The following MTSS2 variants were observed in gnomAD, a reference collection of about 807,000 sequenced individuals.
MTSS2 encodes the protein MTSS I-BAR domain containing 2, also known as protein MTSS 2.
In MTSS2, 27 loss-of-function variants were observed where a neutral mutation model predicts 67.1. That is an observed-to-expected ratio of 0.40 (90% CI 0.30 to 0.55). The LOEUF (loss-of-function observed/expected upper bound fraction) is 0.55, where lower values mean the gene tolerates loss of function less well. Among genes scored for constraint, MTSS2 ranks in the 20% least tolerant of loss-of-function variants. The pLI is 0.43. For synonymous variants in MTSS2, 624 were observed against 468.6 expected (o/e 1.33, Z -4.28); for missense variants, 1,171 against 1,067.8 (o/e 1.10, Z -1.35).
intron 3 of MTSS2, among the ~76,000 whole-genome samples, chr16:70,680,425 C>T (rs1364131844): frequency 6.6e-6 from 1 of 152,208 alleles, no homozygotes; most frequent in Non-Finnish European, 1.5e-5. Context: ...GCCACTCGGA[C>T]CAGAGGGCAG....
In MTSS2 at chr16:70,675,477, G is replaced by T. The variant is rs377194221; in HGVS notation, c.831-949C>A. Among the ~76,000 whole-genome samples the T allele has an allele frequency of 2.2e-4, 34 of 152,318 alleles. No individual in the cohort carries two copies. In the South Asian group the frequency reaches 6.4e-3, roughly 29 times the overall value. ...CAAAAAACCTATTGGTTTCACCAAA[G>T]ATCTTAATCTAGATTCCTATATCCT... On this transcript the variant is annotated intron_variant, in intron 10 of 14. Coordinates refer to ENST00000338779, the MANE Select transcript of MTSS2 (RefSeq NM_138383.3).
At position 70,674,331 on chromosome 16, in the gene MTSS2, G is replaced by A; in HGVS notation, c.1028C>T (p.Pro343Leu). ...QDATYSKPPS[P>L]MPSDITSQKS... is the part of the protein sequence containing the mutation. ...CTGGCTGGTGATGTCTGAAGGCATA[G>A]GCGAGGGGGGCTTGGAGTAGGTGGC... Residue 343 changes from proline (P) to leucine (L), a missense_variant, in exon 11 of 15, where the codon CCT (proline) becomes CTT (leucine). Physicochemically the swap from Pro to Leu is moderately conservative, Grantham distance 98 (BLOSUM62 -3). Around this residue, in one of 2 missense-constraint regions of MTSS2, gnomAD observed 924 missense variants for 756.0 expected, o/e 1.22. Transcript: ENST00000338779. 6.2e-7 allele frequency: 1 copy of A among 1,613,922 alleles called. No homozygotes were observed. The highest frequency in any genetic ancestry group is 1.1e-5 in the South Asian group (1 of 91,048).
chr16:70,678,182 T>G, intron 8 of MTSS2, 70 bp downstream of exon 8: 1 of 1,521,632 alleles, frequency 6.6e-7, no homozygotes, highest in South Asian at 1.3e-5. Context: ...AAGTGACCCT[T>G]CTTGGAGGTC....
At chr16:70,681,312 A>G (rs754513554) in intron 1 of MTSS2, among the ~76,000 whole-genome samples, 28 of 152,184 alleles carry the variant, frequency 1.8e-4, no homozygotes, top group Non-Finnish European at 2.9e-4. Context: ...ATCCTCCCTC[A>G]GGGGAAATGG....
Position 70,664,018 on chromosome 16 carries a change from G to A in MTSS2, c.1903C>T (p.Pro635Ser), listed in dbSNP as rs772138208. The A allele has an allele frequency of 1.3e-5, 21 of 1,605,250 alleles. No individual in the cohort carries two copies. Among genetic ancestry groups the A allele is most frequent in the Non-Finnish European group, 1.6e-5 (19 of 1,176,796 alleles). ...GTGTTGGGCAGGCTGAGCCTCTTTGGGGAGGCCTTGGCGAGGTCCGGTGCC... is the reference window on the plus strand; with the variant it reads ...GTGTTGGGCAGGCTGAGCCTCTTTGAGGAGGCCTTGGCGAGGTCCGGTGCC... ...PLAPDLAKAS[P>S]KRLSLPNTAW... The change falls in exon 15 of 15, where the codon CCA (proline) becomes TCA (serine). Residue 635 changes from proline to serine, a missense_variant. Physicochemically the swap from Pro to Ser is moderately conservative, Grantham distance 74. Coordinates refer to ENST00000338779, the MANE Select transcript of MTSS2 (RefSeq NM_138383.3).
In MTSS2 at chr16:70,685,872, G is replaced by A. The variant is rs556275712; in HGVS notation, c.-81C>T. 1.2e-6 allele frequency: 1 copy of A among 819,042 alleles called. No individual in the cohort carries two copies. 50.7% of individuals were successfully genotyped at this position (819,042 alleles called of 1,614,324 possible). On this transcript the variant is annotated 5_prime_UTR_variant, in exon 1 of 15. Coordinates refer to ENST00000338779, the MANE Select transcript of MTSS2 (RefSeq NM_138383.3). Reference sequence around the variant, plus strand: ...CGCAAGGGAGGGGGCCAGGCCGCGCGGGCGCTCGCTCCGAGGCCGGGCCGG... The same window carrying A: ...CGCAAGGGAGGGGGCCAGGCCGCGCAGGCGCTCGCTCCGAGGCCGGGCCGG...
At position 70,680,255 on chromosome 16, in the gene MTSS2, G is replaced by T. The variant is rs545375082; in HGVS notation, c.206-200C>A. On this transcript the variant is annotated intron_variant, in intron 3 of 14. Coordinates refer to ENST00000338779, the MANE Select transcript of MTSS2 (RefSeq NM_138383.3). Reference sequence around the variant, plus strand: ...GCTCTTCCTCCGCCATCCCAGCCGCGCCAGCCTCCTGCGGCGGCCTCCCCT... The same window carrying T: ...GCTCTTCCTCCGCCATCCCAGCCGCTCCAGCCTCCTGCGGCGGCCTCCCCT... Among the ~76,000 whole-genome samples the T allele has an allele frequency of 5.1e-4, 78 of 152,176 alleles. No homozygotes were observed. The Middle Eastern group carries it at 0.037, about 73-fold the overall frequency.
chr16:70,678,743 G>A (rs1348092493), intron 7 of MTSS2, among the ~76,000 whole-genome samples: 1 of 152,196 alleles, frequency 6.6e-6, no homozygotes, highest in Admixed American at 6.5e-5. Context: ...TCACTGACCC[G>A]GGATGGCGCC....
intron 11 of MTSS2, 44 bp from the exon 12 acceptor site, chr16:70,665,584 G>A (rs1282513592): frequency 6.6e-7 from 1 of 1,508,844 alleles, no homozygotes; most frequent in Non-Finnish European, 8.9e-7. Flanking sequence ...AGAGGGGCCG[G>A]CAGGCAGCAA....
chr16:70,665,080 C>T lies in MTSS2; in HGVS notation c.1145G>A (p.Gly382Asp), dbSNP rs1348790439. ...GGCGCCTGAGGGCTGCTCATGGGAGCCGACCTTGGACCAGTCCTGCAGGGA... is the reference window on the plus strand; with the variant it reads ...GGCGCCTGAGGGCTGCTCATGGGAGTCGACCTTGGACCAGTCCTGCAGGGA... ...SSPTSDWSKV[G>D]SHEQPSGATL... The change falls in exon 13 of 15, where the codon GGC becomes GAC. Residue 382 changes from glycine (G) to aspartate (D), a missense_variant. By Grantham distance (94) the Gly-to-Asp change is moderately conservative (BLOSUM62 -1). Transcript: ENST00000338779. 1 of 1,596,864 alleles carries T rather than the reference C, an allele frequency of 6.3e-7. No homozygotes were observed. Among genetic ancestry groups the T allele is most frequent in the East Asian group, 2.2e-5 (1 of 44,872 alleles).
chr16:70,667,060 G>C (rs918753047), intron 11 of MTSS2, among the ~76,000 whole-genome samples: 1 of 152,102 alleles, frequency 6.6e-6, no homozygotes, highest in African/African-American at 2.4e-5. Flanking sequence ...AGGATCACTT[G>C]AGCCCAGGAG....
At chr16:70,680,704 G>A (rs1050644858) in intron 3 of MTSS2, 90 bp downstream of exon 3, 15 of 1,200,754 alleles carry the variant, frequency 1.2e-5, no homozygotes, top group Admixed American at 6.1e-5. Flanking sequence ...TTGGCGTCCC[G>A]TCCTTTCCCT....
intron 9 of MTSS2, 71 bp from the exon 10 acceptor site, chr16:70,677,049 C>T (rs561076506): frequency 7.6e-6 from 9 of 1,185,954 alleles, no homozygotes; most frequent in East Asian, 7.6e-5. Flanking sequence ...GGCCCCCCCC[C>T]ACTCTCTAAT....
chr16:70,667,998 G>A (rs2052783562), intron 11 of MTSS2, among the ~76,000 whole-genome samples: 1 of 148,366 alleles, frequency 6.7e-6, no homozygotes, highest in African/African-American at 2.5e-5. Context: ...TTTCCTTTTG[G>A]TAGGAACTGA....
At chr16:70,684,924 C>A (rs1022199069) in intron 1 of MTSS2, among the ~76,000 whole-genome samples, 1 of 152,126 alleles carries the variant, frequency 6.6e-6, no homozygotes, top group Non-Finnish European at 1.5e-5. Flanking sequence ...TCCTTAGTGA[C>A]CTTGAGCCAT....
At chr16:70,681,957 C>T (rs901860176) in intron 1 of MTSS2, among the ~76,000 whole-genome samples, 2 of 152,216 alleles carry the variant, frequency 1.3e-5, no homozygotes, top group African/African-American at 4.8e-5. Context: ...TTCTGACCCT[C>T]CCTTCCATGT....
At position 70,680,003 on chromosome 16, in the gene MTSS2, G is replaced by T; in HGVS notation, c.258C>A (p.Arg86=). ...ACTGCCGCAGCTTGGTCTCGATGCT[G>T]CGGTGGCGCATGCACATGCGTGTGA... is the stretch of plus-strand genomic sequence containing the variant. ...SALTRMCMRH[R]SIETKLRQFT... The change falls in exon 4 of 15, where the codon CGC becomes CGA. Residue 86 remains arginine (R), a synonymous_variant. Coordinates refer to ENST00000338779, the MANE Select transcript of MTSS2 (RefSeq NM_138383.3). The T allele has an allele frequency of 6.5e-7, 1 of 1,541,504 alleles. No individual in the cohort carries two copies. The highest frequency in any genetic ancestry group is 8.7e-7 in the Non-Finnish European group (1 of 1,152,552).
chr16:70,664,324 T>C lies in MTSS2; in HGVS notation c.1597A>G (p.Thr533Ala), dbSNP rs2052613734. ...IAQNYRRLIQ[T>A]KRPASTAGLP... is the part of the protein sequence containing the mutation. ...CCAGCAGTGGAGGCTGGGCGCTTGG[T>C]CTGGATCAGGCGGCGGTAGTTCTGG... Residue 533 changes from threonine to alanine, a missense_variant, in exon 15 of 15, where the codon ACC becomes GCC. Coordinates refer to ENST00000338779, the MANE Select transcript of MTSS2 (RefSeq NM_138383.3). 3 of 1,596,078 alleles carry C rather than the reference T, an allele frequency of 1.9e-6. No individual in the cohort carries two copies. Among genetic ancestry groups the C allele is most frequent in the Non-Finnish European group, 2.6e-6 (3 of 1,173,668 alleles).
At chr16:70,685,225 C>T (rs2053415217) in intron 1 of MTSS2, among the ~76,000 whole-genome samples, 1 of 152,014 alleles carries the variant, frequency 6.6e-6, no homozygotes, top group South Asian at 2.1e-4. Flanking sequence ...GGCTGGGGGA[C>T]GCAGTCTCAC....
Sources: gnomAD v4.1 joint callset for allele counts (sites outside exome capture counted in the v4.1 genomes callset) on GRCh38, gnomAD v4.1.1 for gene constraint, gnomAD v4.1.1 regional missense constraint, MANE v1.5 for transcripts, NCBI Gene and HGNC (gene_info 2026-07-23, HGNC 2026-07-21) for gene names.